The following GPD2 variants were observed in gnomAD, a reference collection of about 807,000 sequenced individuals.
The protein encoded by GPD2 is glycerol-3-phosphate dehydrogenase 2.
A neutral mutation model predicts 82.4 loss-of-function variants in GPD2; 54 were observed. That is an observed-to-expected ratio of 0.66 (90% confidence interval 0.53 to 0.82). The LOEUF is 0.82. Among genes scored for constraint, GPD2 ranks in the 40% least tolerant of loss-of-function variants. GPD2 has a pLI of 0.00. For missense variants in GPD2, 748 were observed against 896.2 expected, an observed-to-expected ratio of 0.83 and a Z score of 2.11; for synonymous variants, 288 against 306.1, an observed-to-expected ratio of 0.94 and a Z score of 0.62.
At chr2:156,557,773 A>G (rs763876809) in intron 9 of GPD2, among the ~76,000 whole-genome samples, 191 bp downstream of exon 9, 4 of 152,152 alleles carry the variant, frequency 2.6e-5, no homozygotes, top group Non-Finnish European at 4.4e-5. Flanking sequence ...TCTACTTTCT[A>G]TACCCACATG....
intron 9 of GPD2, among the ~76,000 whole-genome samples, chr2:156,565,040 A>G (rs755624642): frequency 2.6e-5 from 4 of 152,100 alleles, no homozygotes; most frequent in East Asian, 1.9e-4. Flanking sequence ...AGACAATACA[A>G]TTTCATAGAT....
intron 1 of GPD2, among the ~76,000 whole-genome samples, chr2:156,470,575 A>C (rs1188729166): frequency 6.6e-6 from 1 of 152,210 alleles, no homozygotes; most frequent in Non-Finnish European, 1.5e-5. Context: ...CAGGGAGATG[A>C]GTAGGAGAGT....
At chr2:156,542,350 A>G (rs1686353973) in intron 6 of GPD2, among the ~76,000 whole-genome samples, 1 of 152,182 alleles carries the variant, frequency 6.6e-6, no homozygotes, top group South Asian at 2.1e-4. Flanking sequence ...TTTGTATTTA[A>G]TAATAAAAAT....
At chr2:156,472,139 G>T (rs1201228182) in intron 1 of GPD2, among the ~76,000 whole-genome samples, 2 of 151,712 alleles carry the variant, frequency 1.3e-5, no homozygotes, top group Non-Finnish European at 2.9e-5. Context: ...TATATTTTTG[G>T]TCCCCTTCTT....
intron 6 of GPD2, among the ~76,000 whole-genome samples, chr2:156,516,864 T>A (rs1384110135): frequency 6.6e-6 from 1 of 152,232 alleles, no homozygotes; most frequent in Non-Finnish European, 1.5e-5. Flanking sequence ...GAAAATATAG[T>A]GGGACAAACT....
chr2:156,540,664 G>A (rs1022136388), intron 6 of GPD2, among the ~76,000 whole-genome samples: 2 of 152,204 alleles, frequency 1.3e-5, no homozygotes, highest in African/African-American at 4.8e-5. Flanking sequence ...GAAGTCCTCT[G>A]TAGTAAGATT....
rs1445807903 is a variant in GPD2 at position 156,586,182 on chromosome 2, C to T, written c.*3264C>T. On this transcript the variant is annotated 3_prime_UTR_variant, in exon 17 of 17. Coordinates refer to ENST00000438166, the MANE Select transcript of GPD2 (RefSeq NM_000408.5). Reference sequence around the variant, plus strand: ...TTTGCTAGCATTTTGATGTTACTTGCAGTCAGATAACTTTGATTACTGTTG... The same window carrying T: ...TTTGCTAGCATTTTGATGTTACTTGTAGTCAGATAACTTTGATTACTGTTG... 1 of 152,348 alleles carries T rather than the reference C, an allele frequency of 6.6e-6. No homozygotes were observed. The highest frequency in any genetic ancestry group is 1.5e-5 in the Non-Finnish European group (1 of 67,938). The allele number at this position is 152,348 out of a possible 1,614,324, so 9.4% of individuals were successfully genotyped here. A position where few individuals can be genotyped will look rare whatever the true frequency, so the allele number is the denominator to read the frequency against.
intron 1 of GPD2, among the ~76,000 whole-genome samples, chr2:156,460,839 C>A (rs1439612647): frequency 6.6e-6 from 1 of 152,178 alleles, no homozygotes; most frequent in East Asian, 1.9e-4. Context: ...TCAAGTTTAT[C>A]CCTAAAGTAT....
Position 156,569,382 on chromosome 2 carries a change from T to C in GPD2, c.1320T>C (p.Tyr440=), listed in dbSNP as rs530513822. Residue 440 remains tyrosine (Y), a synonymous_variant, in exon 11 of 17, where the codon TAT becomes TAC. Coordinates refer to ENST00000438166, the MANE Select transcript of GPD2 (RefSeq NM_000408.5). Reference sequence around the variant, plus strand: ...TTATAGGTGGAAAGTGGACAACTTATCGGTCTATGGCAGAAGATACCATAA... The same window carrying C: ...TTATAGGTGGAAAGTGGACAACTTACCGGTCTATGGCAGAAGATACCATAA... ...ITIAGGKWTT[Y]RSMAEDTINA... is the part of the protein sequence containing the mutation. 9.3e-6 allele frequency: 15 copies of C among 1,610,202 alleles called. No individual in the cohort carries two copies. The highest frequency in any genetic ancestry group is 4.5e-5 in the East Asian group (2 of 44,852).
chr2:156,405,665 G>A, the GPD2 span, among the ~76,000 whole-genome samples: 2 of 152,284 alleles, frequency 1.3e-5, no homozygotes, highest in Admixed American at 1.3e-4. Flanking sequence ...CATTATCCAC[G>A]TGATCAAGCT....
chr2:156,493,395 C>T (rs1684253538), intron 2 of GPD2, among the ~76,000 whole-genome samples: 1 of 151,880 alleles, frequency 6.6e-6, no homozygotes, highest in Admixed American at 6.6e-5. Flanking sequence ...ACAGGTCTAT[C>T]GGGAATTTTT....
At chr2:156,560,221 C>T (rs557419477) in intron 9 of GPD2, among the ~76,000 whole-genome samples, 6 of 152,236 alleles carry the variant, frequency 3.9e-5, no homozygotes, top group Non-Finnish European at 5.9e-5. Flanking sequence ...GATCTCTACC[C>T]GTGAAGTGAG....
intron 6 of GPD2, among the ~76,000 whole-genome samples, chr2:156,520,476 C>T (rs1317125080): frequency 6.6e-6 from 1 of 152,038 alleles, no homozygotes. Flanking sequence ...CCTGGTCTTT[C>T]TAATAATCTT....
At chr2:156,489,750 C>T (rs9711450) in intron 2 of GPD2, among the ~76,000 whole-genome samples, 6 of 86,250 alleles carry the variant, frequency 7.0e-5, no homozygotes, top group South Asian at 6.3e-4. Flanking sequence ...CTCCCTCCCT[C>T]GCTCCCTTCT....
At position 156,469,527 on chromosome 2, in the gene GPD2, A is replaced by G. The variant is rs923039521; in HGVS notation, c.-8-6571A>G. 3.3e-5 allele frequency among the ~76,000 whole-genome samples: 5 copies of G among 152,190 alleles called. No homozygotes were observed. The South Asian group carries it at 1.0e-3, about 32-fold the overall frequency. ...TGTGTATATGTACCACATTTTTGTT[A>G]TCCATTTGTCTGTTGATGGACACTT... On this transcript the variant is annotated intron_variant, in intron 1 of 16. Transcript: ENST00000438166.
chr2:156,472,831 C>T (rs546003277), intron 1 of GPD2, among the ~76,000 whole-genome samples: 2 of 152,242 alleles, frequency 1.3e-5, no homozygotes, highest in African/African-American at 4.8e-5. Context: ...AGGACAGAAC[C>T]ACCAGGGCTC....
the GPD2 span, among the ~76,000 whole-genome samples, chr2:156,401,451 TG>T: frequency 6.6e-6 from 1 of 152,256 alleles, no homozygotes; most frequent in African/African-American, 2.4e-5. Flanking sequence ...ATGAAGATTT[TG>T]TCATGTATGC....
At chr2:156,459,686 CAAAAAAAA>C (rs564494059) in intron 1 of GPD2, among the ~76,000 whole-genome samples, 6 of 38,778 alleles carry the variant, frequency 1.5e-4, no homozygotes, top group Admixed American at 3.2e-4. Flanking sequence ...GACTCCGTCT[CAAAAAAAA>C]AAAAAAAAAA....
intron 2 of GPD2, among the ~76,000 whole-genome samples, chr2:156,479,262 G>A (rs748840963): frequency 5.9e-5 from 9 of 152,186 alleles, no homozygotes; most frequent in Non-Finnish European, 1.2e-4. Flanking sequence ...AATTGAATAA[G>A]ATGTGGTTTC....
Sources: gnomAD v4.1 joint callset for allele counts (sites outside exome capture counted in the v4.1 genomes callset) on GRCh38, gnomAD v4.1.1 for gene constraint, MANE v1.5 for transcripts, NCBI Gene and HGNC (gene_info 2026-07-23, HGNC 2026-07-21) for gene names.